MAPK6: variants seen among roughly 807,000 people sequenced by gnomAD.
MAPK6 encodes ERK-3.
A neutral mutation model predicts 59.3 loss-of-function variants in MAPK6; 19 were observed. The observed-to-expected ratio is 0.32, with a 90% CI of 0.22 to 0.47. The LOEUF is 0.47. Among genes scored for constraint, MAPK6 ranks in the 20% least tolerant of loss-of-function variants. The probability of loss-of-function intolerance (pLI) is 1.00; values close to 1 mark genes in which losing one functional copy is unlikely to be tolerated. For synonymous variants in MAPK6, 316 were observed against 290.3 expected, an observed-to-expected ratio of 1.09 and a Z score of -0.90; for missense variants, 724 against 847.9, an observed-to-expected ratio of 0.85 and a Z score of 1.81.
intron 1 of MAPK6, among the ~76,000 whole-genome samples, chr15:51,982,129 C>G (rs1196084529): frequency 6.6e-6 from 1 of 152,204 alleles, no homozygotes; most frequent in Non-Finnish European, 1.5e-5. Flanking sequence ...ACCACTAAAA[C>G]AGATCCGGCT....
chr15:51,993,947 T>TA (rs2057217361), intron 2 of MAPK6, among the ~76,000 whole-genome samples: 2 of 151,564 alleles, frequency 1.3e-5, no homozygotes, highest in Non-Finnish European at 2.9e-5. Flanking sequence ...CTCGGTTTCT[T>TA]TTTATTTATT....
Position 52,058,600 on chromosome 15 carries a change from G to GCCTC in MAPK6, c.701-33_701-32insCCTC, listed in dbSNP as rs762513769. On this transcript the variant is annotated intron_variant, in intron 3 of 5. Transcript: ENST00000261845. ...TATTGTGAAATAAGTAAACATTGAGGAATGTGTTTTTTTGTTTGTTTTTTA... is the reference window on the plus strand; with the variant it reads ...TATTGTGAAATAAGTAAACATTGAGGCCTCAATGTGTTTTTTTGTTTGTTTTTTA... 3 of 1,542,332 alleles carry GCCTC rather than the reference G, an allele frequency of 1.9e-6. No individual in the cohort carries two copies. The East Asian group carries it at 7.0e-5, about 36-fold the overall frequency.
chr15:52,002,336 C>T (rs1159189808), intron 2 of MAPK6, among the ~76,000 whole-genome samples: 2 of 152,190 alleles, frequency 1.3e-5, no homozygotes, highest in Non-Finnish European at 2.9e-5. Flanking sequence ...ATCTGGGTTC[C>T]ATCTATTACC....
intron 2 of MAPK6, among the ~76,000 whole-genome samples, chr15:51,992,209 C>T (rs2141817478): frequency 6.6e-6 from 1 of 152,122 alleles, no homozygotes; most frequent in Admixed American, 6.6e-5. Context: ...CTGCCTATCT[C>T]AGCCTCCCAA....
rs754697688 is a variant in MAPK6 at position 52,058,716 on chromosome 15, G to A, written c.784G>A (p.Val262Ile). 7.4e-6 allele frequency: 12 copies of A among 1,613,428 alleles called. No homozygotes were observed. Among genetic ancestry groups the A allele is most frequent in the East Asian group, 4.5e-5 (2 of 44,856 alleles). Residue 262 changes from valine to isoleucine, a missense_variant, in exon 4 of 6, where the codon GTA becomes ATA. Val to Ile is a conservative substitution (Grantham distance 29, BLOSUM62 3). Transcript: ENST00000261845. ...GGAAGATCGTCAGGAGCTTCTCAGC[G>A]TAATTCCAGTTTACATTAGAAATGA... ...HEEDRQELLS[V>I]IPVYIRNDMT...
At chr15:52,039,309 G>A (rs2031339274) in intron 1 of MAPK6, among the ~76,000 whole-genome samples, 1 of 152,078 alleles carries the variant, frequency 6.6e-6, no homozygotes, top group Non-Finnish European at 1.5e-5. Context: ...GTTGTAATCT[G>A]GTTACAGATT....
intron 3 of MAPK6, among the ~76,000 whole-genome samples, chr15:52,053,731 C>T (rs1035478668): frequency 6.6e-6 from 1 of 152,012 alleles, no homozygotes; most frequent in Non-Finnish European, 1.5e-5. Flanking sequence ...TCTCTCCCTC[C>T]TGGGTTCAAG....
intron 1 of MAPK6, among the ~76,000 whole-genome samples, chr15:52,031,595 C>T (rs1379240047): frequency 6.6e-6 from 1 of 152,040 alleles, no homozygotes; most frequent in East Asian, 1.9e-4. Context: ...CTTTGGGTGG[C>T]CAAGGTGGGA....
chr15:52,024,356 C>G (rs1036690755), intron 1 of MAPK6, among the ~76,000 whole-genome samples: 1 of 151,882 alleles, frequency 6.6e-6, no homozygotes, highest in African/African-American at 2.4e-5. Flanking sequence ...CATCTCAGTC[C>G]TACGGTCCTA....
chr15:51,991,114 G>C (rs2057206744), intron 2 of MAPK6, among the ~76,000 whole-genome samples: 1 of 151,284 alleles, frequency 6.6e-6, no homozygotes, highest in East Asian at 1.9e-4. Context: ...GGCAACAAGA[G>C]CGAAATTCCA....
chr15:51,975,497 C>T (rs1417406372), intron 1 of MAPK6, among the ~76,000 whole-genome samples: 2 of 150,998 alleles, frequency 1.3e-5, no homozygotes, highest in African/African-American at 2.4e-5. Flanking sequence ...GCCAAGATCG[C>T]GCCACTGCAC....
chr15:51,981,597 T>C (rs1354539040), intron 1 of MAPK6, among the ~76,000 whole-genome samples: 1 of 152,326 alleles, frequency 6.6e-6, no homozygotes, highest in East Asian at 1.9e-4. Flanking sequence ...TTTTGGAACC[T>C]TTTAAATATA....
chr15:52,033,261 T>C (rs1436777439), intron 1 of MAPK6, among the ~76,000 whole-genome samples: 1 of 152,202 alleles, frequency 6.6e-6, no homozygotes, highest in Non-Finnish European at 1.5e-5. Context: ...TGGGTGTGTC[T>C]GTCAGGGTGT....
intron 2 of MAPK6, among the ~76,000 whole-genome samples, chr15:51,994,376 C>A (rs757965122): frequency 3.9e-5 from 6 of 152,080 alleles, no homozygotes; most frequent in Non-Finnish European, 5.9e-5. Context: ...GAGGCTGAGA[C>A]AGAGGATTGC....
At chr15:51,996,760 A>T (rs562183701) in intron 2 of MAPK6, among the ~76,000 whole-genome samples, 3 of 149,030 alleles carry the variant, frequency 2.0e-5, no homozygotes, top group South Asian at 4.3e-4. Flanking sequence ...TGGCATGACC[A>T]TAGATCACTG....
chr15:52,055,170 G>A (rs912138636), intron 3 of MAPK6, among the ~76,000 whole-genome samples: 5 of 152,226 alleles, frequency 3.3e-5, no homozygotes, highest in South Asian at 2.1e-4. Flanking sequence ...CACTTTTGGA[G>A]GCTGAGACCA....
chr15:52,056,378 CCA>C (rs762044340), intron 3 of MAPK6, among the ~76,000 whole-genome samples: 1 of 151,974 alleles, frequency 6.6e-6, no homozygotes, highest in Non-Finnish European at 1.5e-5. Context: ...TGTCCTGACC[CCA>C]CAGTCCCTCA....
chr15:52,026,670 G>A (rs536459816), intron 1 of MAPK6, among the ~76,000 whole-genome samples: 4 of 152,172 alleles, frequency 2.6e-5, no homozygotes, highest in African/African-American at 7.2e-5. Flanking sequence ...CATTTACTGT[G>A]TGTGTAAAGA....
rs180723102 is a variant in MAPK6 at position 52,028,174 on chromosome 15, G to C, written c.-632+8798G>C. The stretch of plus-strand genomic sequence containing the variant: ...TCACCGTGTTAGCCAGGATGGTCTC[G>C]ATCTCCTGACCTTGTGATCCGCCCG... On this transcript the variant is annotated intron_variant, in intron 1 of 5. Transcript: ENST00000261845. Among the ~76,000 whole-genome samples the C allele has an allele frequency of 4.3e-4, 66 of 151,802 alleles. No individual in the cohort carries two copies. In the East Asian group the frequency reaches 7.6e-3, roughly 17 times the overall value.
Sources: allele counts gnomAD v4.1 joint callset (sites outside exome capture counted in the v4.1 genomes callset), GRCh38; gene constraint gnomAD v4.1.1; transcripts MANE v1.5; gene names NCBI Gene and HGNC (gene_info 2026-07-23, HGNC 2026-07-21).